Variants in NTPCR observed in about 807,000 individuals in gnomAD.
NTPCR encodes the protein cancer-related nucleoside-triphosphatase.
Under a neutral mutation model 19.5 loss-of-function variants are expected in NTPCR, and 15 were observed. The ratio of observed to expected loss-of-function variants is 0.77; its 90% confidence interval spans 0.51 to 1.18. NTPCR has a LOEUF of 1.18. Ranked by LOEUF, NTPCR falls within the 50% of genes most tolerant of loss-of-function variation. The probability of loss-of-function intolerance (pLI) is 0.00; values close to 1 mark genes in which losing one functional copy is unlikely to be tolerated. For missense variants in NTPCR, 206 were observed against 240.4 expected, an observed-to-expected ratio of 0.86 and a Z score of 0.95; for synonymous variants, 90 against 95.8, an observed-to-expected ratio of 0.94 and a Z score of 0.36.
rs1474675369 is a variant in NTPCR at position 232,978,187 on chromosome 1, C to T, written c.529C>T (p.Leu177Phe). The change falls in exon 5 of 5, where the codon CTT (leucine) becomes TTT (phenylalanine). Residue 177 changes from leucine (L) to phenylalanine (F), a missense_variant. Coordinates refer to ENST00000366628, the MANE Select transcript of NTPCR (RefSeq NM_032324.3). ...GGTCACCAAGGAAAACAGAAACCACCTTCTGCCAGATATCGTGACGTGCGT... is the reference window on the plus strand; with the variant it reads ...GGTCACCAAGGAAAACAGAAACCACTTTCTGCCAGATATCGTGACGTGCGT... ...FNVTKENRNH[L>F]LPDIVTCVQS... is the part of the protein sequence containing the mutation. 6.2e-7 allele frequency: 1 copy of T among 1,614,198 alleles called. No individual in the cohort carries two copies. Among genetic ancestry groups the T allele is most frequent in the South Asian group, 1.1e-5 (1 of 91,076 alleles).
At chr1:232,951,203 C>G (rs743199) in intron 1 of NTPCR, 37,535 of 154,082 alleles carry the variant, frequency 0.24, 4,745 homozygotes, top group African/African-American at 0.32. Flanking sequence ...AGTTGGAGGA[C>G]AGCGAAACTG....
At chr1:232,971,162 C>T (rs181666516) in intron 4 of NTPCR, among the ~76,000 whole-genome samples, 3 of 152,304 alleles carry the variant, frequency 2.0e-5, no homozygotes, top group East Asian at 1.9e-4. Context: ...TATTGCTTCT[C>T]CCCAACCCCT....
intron 3 of NTPCR, among the ~76,000 whole-genome samples, chr1:232,961,409 G>A (rs6697524): frequency 6.6e-6 from 1 of 152,170 alleles, no homozygotes; most frequent in South Asian, 2.1e-4. Flanking sequence ...CCAGCCCTGA[G>A]CACTCTACTT....
At chr1:232,969,846 G>A (rs567467986) in intron 3 of NTPCR, 63 bp from the exon 4 acceptor site, 5 of 1,345,356 alleles carry the variant, frequency 3.7e-6, no homozygotes, top group East Asian at 4.6e-5. Context: ...TGGGGAGTGG[G>A]ACCCATGGGC....
chr1:232,978,117 A>G (rs371444836), intron 4 of NTPCR, 46 bp from the exon 5 acceptor site: 4 of 1,499,626 alleles, frequency 2.7e-6, no homozygotes, highest in Admixed American at 1.7e-5. Context: ...AAGATTGAAG[A>G]AGAGGAAAGG....
rs556018817 is a variant in NTPCR, at chr1:232,982,796, G to A, written c.*4565G>A. 6 of 152,324 alleles carry A rather than the reference G, an allele frequency of 3.9e-5. No homozygotes were observed. The highest frequency in any genetic ancestry group is 2.1e-4 in the South Asian group (1 of 4,826). The allele number at this position is 152,324 out of a possible 1,614,324, so 9.4% of individuals were successfully genotyped here. A position where few individuals can be genotyped will look rare whatever the true frequency, so the allele number is the denominator to read the frequency against. On this transcript the variant is annotated 3_prime_UTR_variant, in exon 5 of 5. Transcript: ENST00000366628. The stretch of plus-strand genomic sequence containing the variant: ...CACTGAACTCAAGGAGTCACCCTCC[G>A]TGGGGAGGCCACACTCACAGCTCCA...
chr1:232,956,288 A>G (rs1034584715), intron 2 of NTPCR, 59 bp from the exon 3 acceptor site: 98 of 1,270,858 alleles, frequency 7.7e-5, no homozygotes, highest in Non-Finnish European at 1.1e-4. Flanking sequence ...TGGAGCAGCT[A>G]AAAACCAGAA....
rs936870995 is a variant in NTPCR, at chr1:232,980,379, G to A, written c.*2148G>A. Reference sequence around the variant, plus strand: ...GGTGACAAAGGAGATTTGAACCCACGTCTGCGTGGCTCCAAAGTTCACTCT... The same window carrying A: ...GGTGACAAAGGAGATTTGAACCCACATCTGCGTGGCTCCAAAGTTCACTCT... On this transcript the variant is annotated 3_prime_UTR_variant, in exon 5 of 5. Coordinates refer to ENST00000366628, the MANE Select transcript of NTPCR (RefSeq NM_032324.3). 2 of 152,146 alleles carry A rather than the reference G, an allele frequency of 1.3e-5. No homozygotes were observed. The highest frequency in any genetic ancestry group is 4.8e-5 in the African/African-American group (2 of 41,440). 9.4% of individuals were successfully genotyped at this position (152,146 alleles called of 1,614,324 possible). A position where few individuals can be genotyped will look rare whatever the true frequency, so the allele number is the denominator to read the frequency against.
intron 4 of NTPCR, among the ~76,000 whole-genome samples, chr1:232,976,076 G>C (rs887506282): frequency 6.6e-6 from 1 of 152,138 alleles, no homozygotes; most frequent in Non-Finnish European, 1.5e-5. Context: ...TAATCTTAGG[G>C]AAATCAAAGG....
intron 3 of NTPCR, among the ~76,000 whole-genome samples, chr1:232,960,212 T>TAA (rs1668632307): frequency 3.0e-5 from 1 of 33,358 alleles, no homozygotes; most frequent in Admixed American, 4.1e-4. Context: ...AGACTCCATC[T>TAA]CAAAAAAAAA....
chr1:232,968,357 T>C (rs1668879847), intron 3 of NTPCR: 1 of 152,252 alleles, frequency 6.6e-6, no homozygotes, highest in Non-Finnish European at 1.5e-5. Context: ...AATAGAGTAC[T>C]GTTTACTTAA....
rs1669331611 is a variant in NTPCR at position 232,983,294 on chromosome 1, C to G, written c.*5063C>G. ...TATGGACTGCATTTTGGGACCTCTA[C>G]CCCAGCAAGGATACAGGTTCCTGGG... On this transcript the variant is annotated 3_prime_UTR_variant, in exon 5 of 5. Coordinates refer to ENST00000366628, the MANE Select transcript of NTPCR (RefSeq NM_032324.3). The G allele has an allele frequency of 6.6e-6, 1 of 152,150 alleles. No individual in the cohort carries two copies. The highest frequency in any genetic ancestry group is 1.5e-5 in the Non-Finnish European group (1 of 68,034). 9.4% of individuals were successfully genotyped at this position (152,150 alleles called of 1,614,324 possible).
rs147966185 is a variant in NTPCR at position 232,975,440 on chromosome 1, T to C, written c.505-2723T>C. Among the ~76,000 whole-genome samples the C allele has an allele frequency of 2.5e-3, 378 of 152,314 alleles. 3 individuals carry two copies. Among genetic ancestry groups the C allele is most frequent in the African/African-American group, 8.7e-3 (363 of 41,562 alleles). ...CTGGGTCCTGCTTATGTTCTGACTT[T>C]AACAACCCCAGACCTGAAAACATGG... On this transcript the variant is annotated intron_variant, in intron 4 of 4. Transcript: ENST00000366628.
In NTPCR at chr1:232,955,574, T is replaced by A. The variant is rs1668488487; in HGVS notation, c.52T>A (p.Leu18Met). The change falls in exon 2 of 5, where the codon TTG becomes ATG. Residue 18 changes from leucine to methionine, a missense_variant. Physicochemically the swap from Leu to Met is conservative, Grantham distance 15. Coordinates refer to ENST00000366628, the MANE Select transcript of NTPCR (RefSeq NM_032324.3). ...TGPPGVGKTT[L>M]IHKASEVLKS... is the part of the protein sequence containing the mutation. ...TATTTTAGGAGTTGGAAAAACAACA[T>A]TGATCCATAAAGCCAGTGAGGTTTT... 2 of 1,593,866 alleles carry A rather than the reference T, an allele frequency of 1.3e-6. No individual in the cohort carries two copies.
rs1361065627 is a variant in NTPCR, at chr1:232,981,074, A to T, written c.*2843A>T. ...GATGGGAGGAATCAGGACTGATTTG[A>T]AGCACGATTTACTAAATCATTCTTT... On this transcript the variant is annotated 3_prime_UTR_variant, in exon 5 of 5. Transcript: ENST00000366628. 2 of 152,234 alleles carry T rather than the reference A, an allele frequency of 1.3e-5. No individual in the cohort carries two copies. Among genetic ancestry groups the T allele is most frequent in the South Asian group, 4.1e-4 (2 of 4,828 alleles). 9.4% of individuals were successfully genotyped at this position (152,234 alleles called of 1,614,324 possible). A position where few individuals can be genotyped will look rare whatever the true frequency, so the allele number is the denominator to read the frequency against.
At chr1:232,959,643 T>A (rs1668612888) in intron 3 of NTPCR, among the ~76,000 whole-genome samples, 1 of 152,158 alleles carries the variant, frequency 6.6e-6, no homozygotes, top group Non-Finnish European at 1.5e-5. Context: ...TTTTTGATAC[T>A]GGCAATGAAA....
rs140115755 is a variant in NTPCR at position 232,956,750 on chromosome 1, A to G, written c.294+307A>G. 8.2e-3 allele frequency among the ~76,000 whole-genome samples: 1,244 copies of G among 152,336 alleles called. 12 individuals carry two copies. The highest frequency in any genetic ancestry group is 0.013 in the Non-Finnish European group (860 of 68,032). On this transcript the variant is annotated intron_variant, in intron 3 of 4. Coordinates refer to ENST00000366628, the MANE Select transcript of NTPCR (RefSeq NM_032324.3). ...CAGTCATGTCTTAACCTGGTTTCAC[A>G]GCACAACAAACATTTAGGAAGAGAA...
rs1412508759 is a variant in NTPCR, at chr1:232,982,269, G to A, written c.*4038G>A. ...AAAGAAGTATGGCTGCACTGTTGAT[G>A]GCTGGTCAAACAGCCCCCAAGAATC... On this transcript the variant is annotated 3_prime_UTR_variant, in exon 5 of 5. Transcript: ENST00000366628. The A allele has an allele frequency of 6.6e-6, 1 of 152,160 alleles. No individual in the cohort carries two copies. Among genetic ancestry groups the A allele is most frequent in the African/African-American group, 2.4e-5 (1 of 41,430 alleles). The allele number at this position is 152,160 out of a possible 1,614,324, so 9.4% of individuals were successfully genotyped here.
intron 3 of NTPCR, chr1:232,968,940 A>G (rs188212993): frequency 1.1e-3 from 161 of 152,316 alleles, no homozygotes; most frequent in African/African-American, 3.7e-3. Context: ...AAGGCTTTCT[A>G]TAGAGGACAT....
Sources: allele counts gnomAD v4.1 joint callset (sites outside exome capture counted in the v4.1 genomes callset), GRCh38; gene constraint gnomAD v4.1.1; transcripts MANE v1.5; gene names NCBI Gene and HGNC (gene_info 2026-07-23, HGNC 2026-07-21).